The following ESRRG variants were observed in gnomAD, a reference collection of about 807,000 sequenced individuals.
ESRRG encodes the protein estrogen-related receptor gamma.
A neutral mutation model predicts 44.0 loss-of-function variants in ESRRG; 13 were observed. The ratio of observed to expected loss-of-function variants is 0.30; its 90% CI spans 0.19 to 0.47. ESRRG has a LOEUF of 0.47. Among genes scored for constraint, ESRRG ranks in the 20% least tolerant of loss-of-function variants. The pLI, the probability that ESRRG is intolerant of heterozygous loss-of-function variation, is 1.00. For missense variants in ESRRG, 395 were observed against 580.6 expected (o/e 0.68, Z 3.29); for synonymous variants, 215 against 214.6 (o/e 1.00, Z -0.02).
At chr1:217,043,761 C>A (rs953708159) in intron 1 of ESRRG, among the ~76,000 whole-genome samples, 2 of 151,986 alleles carry the variant, frequency 1.3e-5, no homozygotes, top group Non-Finnish European at 2.9e-5. Flanking sequence ...TGTGCCCATA[C>A]AGGAACAAGT....
intron 2 of ESRRG, among the ~76,000 whole-genome samples, chr1:216,666,930 C>G (rs185795066): frequency 6.6e-6 from 1 of 152,178 alleles, no homozygotes; most frequent in Non-Finnish European, 1.5e-5. Context: ...TAAGAGAACT[C>G]TCCTCCCCCC....
chr1:216,986,468 C>T (rs1256955122), intron 1 of ESRRG, among the ~76,000 whole-genome samples: 1 of 152,052 alleles, frequency 6.6e-6, no homozygotes, highest in Non-Finnish European at 1.5e-5. Context: ...AATCCCAGCA[C>T]TTTGGGAGGC....
At position 217,059,008 on chromosome 1, in the gene ESRRG, A is replaced by T. The variant is rs1052624333; in HGVS notation, c.-106+30499T>A. Among the ~76,000 whole-genome samples the T allele has an allele frequency of 4.7e-5, 7 of 148,500 alleles. No individual in the cohort carries two copies. In the Admixed American group the frequency reaches 4.7e-4, roughly 10 times the overall value. The stretch of plus-strand genomic sequence containing the variant: ...TTATAAGCTATAAAATAATAAAAAT[A>T]TATGAATAAACAAAATAAATTATAG... On this transcript the variant is annotated intron_variant, in intron 1 of 7. Transcript: ENST00000359162.
At chr1:216,547,577 G>A (rs1168449688) in intron 5 of ESRRG, among the ~76,000 whole-genome samples, 3 of 152,056 alleles carry the variant, frequency 2.0e-5, no homozygotes, top group Non-Finnish European at 4.4e-5. Context: ...AATGGTGCAA[G>A]CGTGTGTGTT....
At chr1:216,542,605 A>G (rs905059936) in intron 5 of ESRRG, among the ~76,000 whole-genome samples, 2 of 152,000 alleles carry the variant, frequency 1.3e-5, no homozygotes, top group African/African-American at 4.8e-5. Flanking sequence ...TATATCTCTA[A>G]TCGTCCTTCA....
At chr1:216,536,667 A>G (rs927817595) in intron 5 of ESRRG, among the ~76,000 whole-genome samples, 5 of 152,006 alleles carry the variant, frequency 3.3e-5, no homozygotes, top group African/African-American at 1.2e-4. Context: ...TTCTTTCTTC[A>G]TTTTTTGGTA....
At chr1:216,515,226 T>C (rs1382614562) in intron 6 of ESRRG, among the ~76,000 whole-genome samples, 5 of 152,084 alleles carry the variant, frequency 3.3e-5, no homozygotes, top group East Asian at 1.9e-4. Flanking sequence ...AATGCGTATA[T>C]ATAATATAAT....
intron 1 of ESRRG, among the ~76,000 whole-genome samples, chr1:217,020,139 T>C (rs968111418): frequency 2.0e-5 from 3 of 152,092 alleles, no homozygotes; most frequent in African/African-American, 7.2e-5. Context: ...CTCACATGGT[T>C]TTGCTCAAAT....
intron 2 of ESRRG, among the ~76,000 whole-genome samples, chr1:216,654,449 G>A (rs1293029371): frequency 6.6e-6 from 1 of 151,998 alleles, no homozygotes. Flanking sequence ...GATCAACATG[G>A]TGAAACCCCA....
rs539599756 is a variant in ESRRG, at chr1:217,130,024, G to T, written c.-230+7643C>A. ...ATATTAACTTGAACCCCCAGCAGAA[G>T]AAGCAAAAAGCTTCTTCTTCCTATA... is the stretch of plus-strand genomic sequence containing the variant. On this transcript the variant is annotated intron_variant, in intron 1 of 8. Coordinates refer to the ESRRG transcript ENST00000366940. Among the ~76,000 whole-genome samples, 264 of 152,202 alleles carry T rather than the reference G, an allele frequency of 1.7e-3. 2 individuals are homozygous for T. The highest frequency in any genetic ancestry group is 6.9e-3 in the South Asian group (33 of 4,816).
chr1:217,109,427 A>G (rs775815141), intron 1 of ESRRG, among the ~76,000 whole-genome samples: 6 of 152,144 alleles, frequency 3.9e-5, no homozygotes, highest in Non-Finnish European at 8.8e-5. Context: ...AGTAAAAGGC[A>G]AAGTCCCTTT....
intron 2 of ESRRG, among the ~76,000 whole-genome samples, chr1:216,869,392 C>A (rs2096226380): frequency 6.6e-6 from 1 of 151,998 alleles, no homozygotes; most frequent in African/African-American, 2.4e-5. Flanking sequence ...TTTCTGGATT[C>A]TTGTTGAGGT....
intron 1 of ESRRG, among the ~76,000 whole-genome samples, chr1:216,994,874 C>G (rs183845489): frequency 6.6e-6 from 1 of 152,258 alleles, no homozygotes; most frequent in African/African-American, 2.4e-5. Context: ...TGTGAGCCAC[C>G]GTGCCCGGCC....
intron 5 of ESRRG, among the ~76,000 whole-genome samples, chr1:216,532,556 C>T (rs2049701794): frequency 6.6e-6 from 1 of 152,208 alleles, no homozygotes; most frequent in South Asian, 2.1e-4. Context: ...GCTCTGGCCG[C>T]AATGACTATT....
At chr1:216,639,212 G>A (rs2065902853) in intron 3 of ESRRG, among the ~76,000 whole-genome samples, 1 of 152,102 alleles carries the variant, frequency 6.6e-6, no homozygotes, top group Non-Finnish European at 1.5e-5. Context: ...GTAGGGTTGT[G>A]AAGAAATTTG....
intron 1 of ESRRG, among the ~76,000 whole-genome samples, chr1:216,997,599 T>C (rs1197208155): frequency 6.6e-6 from 1 of 152,242 alleles, no homozygotes; most frequent in Non-Finnish European, 1.5e-5. Flanking sequence ...GTCTCTTTAC[T>C]ATTTTACATT....
In ESRRG at chr1:216,506,960, T is replaced by C. The variant is rs1175655437; in HGVS notation, c.1356A>G (p.Glu452=). ...GKVPMHKLFL[E]MLEAKV ...TTAGTCAGACCTTGGCCTCCAACATTTCCAAAAAAAGTTTGTGCATTGGGA... is the reference window on the plus strand; with the variant it reads ...TTAGTCAGACCTTGGCCTCCAACATCTCCAAAAAAAGTTTGTGCATTGGGA... Residue 452 remains glutamate (E), a synonymous_variant, in exon 7 of 7, where the codon GAA becomes GAG. Coordinates refer to ENST00000408911, the MANE Select transcript of ESRRG (RefSeq NM_001438.4). 1.3e-5 allele frequency: 21 copies of C among 1,613,982 alleles called. No individual in the cohort carries two copies. The South Asian group carries it at 1.4e-4, about 11-fold the overall frequency.
chr1:217,086,172 A>G (rs1387396236), intron 1 of ESRRG, among the ~76,000 whole-genome samples: 3 of 152,180 alleles, frequency 2.0e-5, no homozygotes, highest in African/African-American at 7.2e-5. Context: ...CCCGTGGTTC[A>G]ATTGAAAGAT....
At chr1:217,086,268 A>G (rs1319928492) in intron 1 of ESRRG, among the ~76,000 whole-genome samples, 2 of 152,230 alleles carry the variant, frequency 1.3e-5, no homozygotes, top group African/African-American at 4.8e-5. Flanking sequence ...TAGAAGGCAG[A>G]TACCATCAAG....
Sources: allele counts gnomAD v4.1 joint callset (sites outside exome capture counted in the v4.1 genomes callset), GRCh38; gene constraint gnomAD v4.1.1; transcripts MANE v1.5; gene names NCBI Gene and HGNC (gene_info 2026-07-23, HGNC 2026-07-21).